Variants in ATG7 observed in about 807,000 individuals in gnomAD.
ATG7 encodes ubiquitin-like modifier-activating enzyme ATG7.
Under a neutral mutation model 82.4 loss-of-function variants are expected in ATG7, and 70 were observed. The observed-to-expected ratio is 0.85, with a 90% CI of 0.70 to 1.04. ATG7 has a LOEUF of 1.04. Ranked by LOEUF, ATG7 falls within the 50% of genes least tolerant of loss-of-function variation. ATG7 has a pLI of 0.00. For missense variants in ATG7, 792 were observed against 864.3 expected, an observed-to-expected ratio of 0.92 and a Z score of 1.05; for synonymous variants, 287 against 313.0, an observed-to-expected ratio of 0.92 and a Z score of 0.88.
intron 19 of ATG7, among the ~76,000 whole-genome samples, chr3:11,385,566 C>T (rs2078259598): frequency 6.6e-6 from 1 of 152,320 alleles, no homozygotes; most frequent in South Asian, 2.1e-4. Context: ...GTGAGACAGA[C>T]TCATAAGCCA....
intron 20 of ATG7, among the ~76,000 whole-genome samples, chr3:11,458,520 C>A (rs970391690): frequency 6.6e-5 from 10 of 152,174 alleles, no homozygotes; most frequent in Non-Finnish European, 1.2e-4. Flanking sequence ...GCCTCGGCAT[C>A]CCAAAGTGCC....
Position 11,554,897 on chromosome 3 carries a change from C to T in ATG7, c.*54C>T. 1 of 1,596,162 alleles carries T rather than the reference C, an allele frequency of 6.3e-7. No individual in the cohort carries two copies. Among genetic ancestry groups the T allele is most frequent in the Non-Finnish European group, 8.5e-7 (1 of 1,171,920 alleles). On this transcript the variant is annotated 3_prime_UTR_variant, in exon 21 of 21. Coordinates refer to ENST00000693202, the MANE Select transcript of ATG7 (RefSeq NM_001349232.2). ...CCCGGCCGCCTGCTGAGGAGCTCTC[C>T]ATCGCCAGAGCAGGACTGCTGACCC...
At chr3:11,332,939 A>G (rs1238458000) in intron 10 of ATG7, 33 bp from the exon 11 acceptor site, 2 of 1,411,152 alleles carry the variant, frequency 1.4e-6, no homozygotes, top group South Asian at 1.6e-5. Context: ...AAAAAAAAAT[A>G]ATAAATAAAT....
intron 20 of ATG7, among the ~76,000 whole-genome samples, chr3:11,515,297 C>CGTGTGTGTGTATAT (rs1553704987): frequency 2.6e-5 from 4 of 151,216 alleles, no homozygotes; most frequent in Non-Finnish European, 4.4e-5. Flanking sequence ...GTCTCTTGCG[C>CGTGTGTGTGTATAT]GTGTGTGTGT....
rs1658029497 is a variant in ATG7, at chr3:11,285,044, G to T, written c.-11+2606G>T. The stretch of plus-strand genomic sequence containing the variant: ...TTTTTGTATTTTCAGTAGAGACGGG[G>T]TTTCACCGTGTTAGCCAGGATGGTC... On this transcript the variant is annotated intron_variant, in intron 3 of 20. Coordinates refer to ENST00000693202, the MANE Select transcript of ATG7 (RefSeq NM_001349232.2). 2.7e-5 allele frequency among the ~76,000 whole-genome samples: 4 copies of T among 150,094 alleles called. No individual in the cohort carries two copies. In the South Asian group the frequency reaches 8.4e-4, roughly 32 times the overall value.
rs765898254 is a variant in ATG7, at chr3:11,364,735, G to A, written c.1875+1G>A. ...CTCTCTTGGGCTTGTGCCTCACCAG[G>A]TTAGTGATGTGGAAGTGAAATCACA... On this transcript the variant is annotated splice_donor_variant, in intron 18 of 20. Transcript: ENST00000693202. LOFTEE classifies it high-confidence loss of function. The A allele has an allele frequency of 1.9e-6, 3 of 1,614,082 alleles. No homozygotes were observed. The highest frequency in any genetic ancestry group is 2.5e-6 in the Non-Finnish European group (3 of 1,179,948).
At position 11,364,847 on chromosome 3, in the gene ATG7, C is replaced by A. The variant is rs952910306; in HGVS notation, c.1875+113C>A. On this transcript the variant is annotated intron_variant, in intron 18 of 20. Coordinates refer to ENST00000693202, the MANE Select transcript of ATG7 (RefSeq NM_001349232.2). ...CTTCATATCCACCCTACTTACCCTG[C>A]AGCTGGGATTTCAATGGGAGAGCTT... The A allele has an allele frequency of 7.2e-6, 8 of 1,112,194 alleles. No individual in the cohort carries two copies. The Admixed American group carries it at 1.1e-4, about 15-fold the overall frequency. 68.9% of individuals were successfully genotyped at this position (1,112,194 alleles called of 1,614,324 possible).
At chr3:11,298,892 G>A (rs550740659) in intron 4 of ATG7, 37 bp downstream of exon 4, 4 of 1,609,512 alleles carry the variant, frequency 2.5e-6, no homozygotes, top group Non-Finnish European at 3.4e-6. Flanking sequence ...ATCATCTTCT[G>A]TTATCCTCAC....
chr3:11,430,773 T>C (rs572085628), intron 20 of ATG7, among the ~76,000 whole-genome samples: 1 of 152,336 alleles, frequency 6.6e-6, no homozygotes, highest in Non-Finnish European at 1.5e-5. Context: ...TTTAGTCATT[T>C]GTATATTAAG....
intron 19 of ATG7, among the ~76,000 whole-genome samples, 164 bp downstream of exon 19, chr3:11,380,216 C>A (rs1258464084): frequency 6.6e-6 from 1 of 152,172 alleles, no homozygotes; most frequent in Non-Finnish European, 1.5e-5. Context: ...GATCTGTATT[C>A]ATTCTCACAG....
intron 19 of ATG7, among the ~76,000 whole-genome samples, chr3:11,397,314 G>T (rs954715947): frequency 2.6e-5 from 4 of 152,060 alleles, no homozygotes; most frequent in Non-Finnish European, 4.4e-5. Flanking sequence ...AGACAAAACA[G>T]ATTTTAAGGC....
At chr3:11,416,245 G>T (rs2081365586) in intron 19 of ATG7, among the ~76,000 whole-genome samples, 1 of 152,170 alleles carries the variant, frequency 6.6e-6, no homozygotes, top group South Asian at 2.1e-4. Context: ...TATTCCCTTT[G>T]CTTCTGTCTT....
intron 20 of ATG7, among the ~76,000 whole-genome samples, chr3:11,548,890 A>G (rs192142055): frequency 1.4e-4 from 21 of 152,330 alleles, no homozygotes; most frequent in African/African-American, 3.4e-4. Flanking sequence ...TAAAAGTGAG[A>G]CGGCCGGGTC....
intron 20 of ATG7, among the ~76,000 whole-genome samples, chr3:11,430,540 T>C (rs2082778013): frequency 6.6e-6 from 1 of 152,216 alleles, no homozygotes; most frequent in Admixed American, 6.5e-5. Context: ...ACATTGGAAT[T>C]GCAAACGATT....
intron 11 of ATG7, among the ~76,000 whole-genome samples, chr3:11,334,747 C>G (rs1375092094): frequency 6.6e-6 from 1 of 151,096 alleles, no homozygotes; most frequent in Non-Finnish European, 1.5e-5. Flanking sequence ...CACCTGAGGT[C>G]AGGAGTTCGA....
chr3:11,489,026 C>T (rs1261947527), intron 20 of ATG7, among the ~76,000 whole-genome samples: 1 of 151,872 alleles, frequency 6.6e-6, no homozygotes, highest in African/African-American at 2.4e-5. Context: ...GTGAATCCAT[C>T]TGGTCCTGGA....
chr3:11,418,663 T>C (rs926480029), intron 19 of ATG7, among the ~76,000 whole-genome samples: 1 of 152,178 alleles, frequency 6.6e-6, no homozygotes, highest in African/African-American at 2.4e-5. Context: ...CTCCAGCCTG[T>C]TGTGATTCTC....
chr3:11,313,315 G>T lies in ATG7; in HGVS notation c.423G>T (p.Lys141Asn). 1 of 1,601,428 alleles carries T rather than the reference G, an allele frequency of 6.2e-7. No homozygotes were observed. The highest frequency in any genetic ancestry group is 2.2e-5 in the East Asian group (1 of 44,606). Reference protein sequence around the residue: ...FLLLTFADLKKYHFYYWFCYP... With the variant: ...FLLLTFADLKNYHFYYWFCYP... ...ACTTTTTTTTCTAGGATCTAAAGAA[G>T]TACCACTTCTACTATTGGTTTTGCT... The change falls in exon 8 of 21, where the codon AAG becomes AAT. Residue 141 changes from lysine to asparagine, a missense_variant. Coordinates refer to ENST00000693202, the MANE Select transcript of ATG7 (RefSeq NM_001349232.2).
At chr3:11,517,827 C>CATGCAAGGCTTTGCCAGCT (rs2092327136) in intron 20 of ATG7, among the ~76,000 whole-genome samples, 2 of 152,300 alleles carry the variant, frequency 1.3e-5, no homozygotes, top group South Asian at 4.1e-4. Flanking sequence ...GGGGCCGTGC[C>CATGCAAGGCTTTGCCAGCT]ATGCAAGGCT....
Sources: allele counts gnomAD v4.1 joint callset (sites outside exome capture counted in the v4.1 genomes callset), GRCh38; gene constraint gnomAD v4.1.1; transcripts MANE v1.5; gene names NCBI Gene and HGNC (gene_info 2026-07-23, HGNC 2026-07-21).